Variants in PIP5K1B observed in about 807,000 individuals in gnomAD.
The protein encoded by PIP5K1B is phosphatidylinositol-4-phosphate 5-kinase type 1 beta.
PIP5K1B carries 42 observed loss-of-function variants against 67.0 expected under a neutral mutation model. The ratio of observed to expected loss-of-function variants is 0.63; its 90% CI spans 0.49 to 0.81. The LOEUF is 0.81. Ranked by LOEUF, PIP5K1B falls within the 30% of genes least tolerant of loss-of-function variation. The pLI, the probability that PIP5K1B is intolerant of heterozygous loss-of-function variation, is 0.00. For synonymous variants in PIP5K1B, 214 were observed against 231.4 expected (o/e 0.92, Z 0.68); for missense variants, 459 against 646.3 (o/e 0.71, Z 3.14).
intron 2 of PIP5K1B, among the ~76,000 whole-genome samples, chr9:68,750,283 C>T (rs767367708): frequency 1.3e-5 from 2 of 152,224 alleles, no homozygotes; most frequent in Non-Finnish European, 2.9e-5. Context: ...TCCCCTCTCA[C>T]CTTTCAGCTC....
At chr9:68,951,667 C>T (rs1828073825) in intron 14 of PIP5K1B, among the ~76,000 whole-genome samples, 1 of 152,148 alleles carries the variant, frequency 6.6e-6, no homozygotes, top group Non-Finnish European at 1.5e-5. Context: ...GGAACTTTGG[C>T]CATCATGTCA....
chr9:68,787,128 G>A (rs1252020209), intron 2 of PIP5K1B, among the ~76,000 whole-genome samples: 1 of 152,174 alleles, frequency 6.6e-6, no homozygotes, highest in Admixed American at 6.5e-5. Flanking sequence ...CCTGTGGAAG[G>A]ATCAGGTAAT....
At chr9:68,728,341 G>A (rs1157979593) in intron 1 of PIP5K1B, among the ~76,000 whole-genome samples, 2 of 152,082 alleles carry the variant, frequency 1.3e-5, no homozygotes, top group Non-Finnish European at 2.9e-5. Context: ...ATCCTCACAT[G>A]CAGACAGCAG....
chr9:68,886,954 C>T (rs1279472691), intron 6 of PIP5K1B, among the ~76,000 whole-genome samples: 1 of 152,252 alleles, frequency 6.6e-6, no homozygotes, highest in African/African-American at 2.4e-5. Flanking sequence ...CTGGCCTCTG[C>T]TGTGCCTTGA....
chr9:68,811,893 G>A (rs755683379), intron 2 of PIP5K1B, among the ~76,000 whole-genome samples: 15 of 152,158 alleles, frequency 9.9e-5, no homozygotes, highest in African/African-American at 2.9e-4. Flanking sequence ...CCTGTGAAGC[G>A]TGCTGAAAAT....
intron 12 of PIP5K1B, among the ~76,000 whole-genome samples, chr9:68,930,274 C>T (rs538405806): frequency 7.2e-4 from 110 of 152,276 alleles, no homozygotes; most frequent in African/African-American, 2.5e-3. Flanking sequence ...TAGCAATTCC[C>T]CTTGCCTGTC....
intron 8 of PIP5K1B, among the ~76,000 whole-genome samples, chr9:68,896,185 T>C (rs569815567): frequency 2.0e-5 from 3 of 152,336 alleles, no homozygotes; most frequent in African/African-American, 4.8e-5. Flanking sequence ...TCCTGTGTTT[T>C]TTCTGCCCTT....
Position 68,965,372 on chromosome 9 carries a change from C to T in PIP5K1B, c.1502+24582C>T, listed in dbSNP as rs538975461. On this transcript the variant is annotated intron_variant, in intron 14 of 15. Transcript: ENST00000265382. Reference sequence around the variant, plus strand: ...AGAGTTTAACTCACCATTGCCACTTCTGATGGATAGTCTAGTTCTGCAAGA... The same window carrying T: ...AGAGTTTAACTCACCATTGCCACTTTTGATGGATAGTCTAGTTCTGCAAGA... 1.7e-4 allele frequency among the ~76,000 whole-genome samples: 26 copies of T among 152,304 alleles called. No homozygotes were observed. The South Asian group carries it at 5.4e-3, about 32-fold the overall frequency.
chr9:68,885,378 T>C (rs1171477990), intron 6 of PIP5K1B, among the ~76,000 whole-genome samples: 4 of 152,144 alleles, frequency 2.6e-5, no homozygotes, highest in Non-Finnish European at 4.4e-5. Context: ...ACAAATCAGC[T>C]CTGGTGATCC....
intron 6 of PIP5K1B, among the ~76,000 whole-genome samples, chr9:68,878,515 T>G (rs1189051897): frequency 6.6e-6 from 1 of 152,200 alleles, no homozygotes; most frequent in Non-Finnish European, 1.5e-5. Flanking sequence ...GAATCTAAGC[T>G]CATCACTTCT....
At chr9:68,780,030 G>A in intron 2 of PIP5K1B, 2 of 1,214,472 alleles carry the variant, frequency 1.6e-6, no homozygotes, top group Non-Finnish European at 2.2e-6. Flanking sequence ...CCTGCGCGAA[G>A]GGCTACGCAT....
intron 8 of PIP5K1B, among the ~76,000 whole-genome samples, chr9:68,904,738 T>G (rs1409557389): frequency 6.9e-6 from 1 of 144,912 alleles, no homozygotes; most frequent in African/African-American, 2.5e-5. Context: ...AACGGAAGGA[T>G]TATCAAGTCA....
At chr9:68,952,440 G>A (rs1385975425) in intron 14 of PIP5K1B, among the ~76,000 whole-genome samples, 1 of 152,118 alleles carries the variant, frequency 6.6e-6, no homozygotes, top group Non-Finnish European at 1.5e-5. Context: ...CCTCTTGTCT[G>A]TATCAGTTCC....
At chr9:68,731,294 G>C (rs1361564573) in intron 1 of PIP5K1B, among the ~76,000 whole-genome samples, 1 of 152,210 alleles carries the variant, frequency 6.6e-6, no homozygotes, top group African/African-American at 2.4e-5. Flanking sequence ...GGGGAAAACA[G>C]AAGAGGTGAA....
At chr9:68,888,045 CTT>C (rs1259881339) in intron 6 of PIP5K1B, among the ~76,000 whole-genome samples, 2 of 144,142 alleles carry the variant, frequency 1.4e-5, no homozygotes, top group African/African-American at 5.2e-5. Flanking sequence ...ATGGTGTGAT[CTT>C]GACTCACTGC....
intron 1 of PIP5K1B, among the ~76,000 whole-genome samples, chr9:68,719,668 G>A (rs950580508): frequency 6.6e-6 from 1 of 152,122 alleles, no homozygotes; most frequent in African/African-American, 2.4e-5. Flanking sequence ...CTCCTGCTAA[G>A]GGTTAAGAGA....
At chr9:68,990,992 A>G (rs1321481919) in intron 14 of PIP5K1B, 148 bp from the exon 15 acceptor site, 2 of 621,716 alleles carry the variant, frequency 3.2e-6, no homozygotes, top group Non-Finnish European at 5.8e-6. Context: ...TCAAGTGACC[A>G]TGTCTCCAGG....
intron 12 of PIP5K1B, among the ~76,000 whole-genome samples, chr9:68,932,743 C>T (rs1827061447): frequency 1.3e-5 from 2 of 152,038 alleles, no homozygotes; most frequent in Admixed American, 1.3e-4. Context: ...CATCACAGAT[C>T]TTCTGAAAGG....
intron 11 of PIP5K1B, among the ~76,000 whole-genome samples, chr9:68,920,359 CTTTTTTTT>C (rs5898051): frequency 2.0e-5 from 2 of 98,372 alleles, no homozygotes; most frequent in African/African-American, 7.3e-5. Context: ...CTGAGGTTGT[CTTTTTTTT>C]TTTTTTTTTT....
Sources: allele counts gnomAD v4.1 joint callset (sites outside exome capture counted in the v4.1 genomes callset), GRCh38; gene constraint gnomAD v4.1.1; transcripts MANE v1.5; gene names NCBI Gene and HGNC (gene_info 2026-07-23, HGNC 2026-07-21).